The following TRAPPC8 variants were observed in gnomAD, a reference collection of about 807,000 sequenced individuals.
TRAPPC8 encodes general sporulation gene 1 homolog.
A neutral mutation model predicts 174.3 loss-of-function variants in TRAPPC8; 54 were observed. The ratio of observed to expected loss-of-function variants is 0.31; its 90% CI spans 0.25 to 0.39. The LOEUF (loss-of-function observed/expected upper bound fraction) is 0.39. Ranked by LOEUF, TRAPPC8 falls within the 10% of genes least tolerant of loss-of-function variation. The pLI, the probability that TRAPPC8 is intolerant of heterozygous loss-of-function variation, is 1.00. For missense variants in TRAPPC8, 1,531 were observed against 1,699.1 expected (o/e 0.90, Z 1.74); for synonymous variants, 630 against 579.9 (o/e 1.09, Z -1.24).
Position 31,917,537 on chromosome 18 carries a change from A to G in TRAPPC8, c.442+41T>C, listed in dbSNP as rs770018218. ...ACTATTTCTGAGATTAATAACTTCC[A>G]TAATATTTGATTTGAGGAGAACATA... is the stretch of plus-strand genomic sequence containing the variant. On this transcript the variant is annotated intron_variant, in intron 3 of 28. Coordinates refer to ENST00000283351, the MANE Select transcript of TRAPPC8 (RefSeq NM_014939.5). The G allele has an allele frequency of 3.9e-6, 6 of 1,548,030 alleles. No individual in the cohort carries two copies. The East Asian group carries it at 9.0e-5, about 23-fold the overall frequency.
intron 2 of TRAPPC8, among the ~76,000 whole-genome samples, chr18:31,918,563 A>C (rs2037245058): frequency 6.6e-6 from 1 of 152,208 alleles, no homozygotes; most frequent in African/African-American, 2.4e-5. Flanking sequence ...ACAAGACAAG[A>C]CAAGACAAGA....
intron 20 of TRAPPC8, among the ~76,000 whole-genome samples, chr18:31,856,473 ACCT>A (rs2034021475): frequency 6.6e-6 from 1 of 151,550 alleles, no homozygotes; most frequent in Non-Finnish European, 1.5e-5. Context: ...AGTGAGGCCC[ACCT>A]CAGCCTCCCA....
At chr18:31,880,093 ATATATATATATAT>A (rs2035356729) in intron 12 of TRAPPC8, among the ~76,000 whole-genome samples, 1 of 63,336 alleles carries the variant, frequency 1.6e-5, no homozygotes, top group South Asian at 7.2e-4. Context: ...AAAAAAAAAT[ATATATATATATAT>A]ATATATATAT....
Position 31,936,061 on chromosome 18 carries a change from T to A in TRAPPC8, c.158-4538A>T, listed in dbSNP as rs186544219. 6.2e-4 allele frequency among the ~76,000 whole-genome samples: 93 copies of A among 150,410 alleles called. No individual in the cohort carries two copies. In the East Asian group the frequency reaches 0.016, roughly 26 times the overall value. ...ACAAGACCCCATCTCTATAAAAAAA[T>A]TTTTTTTAATTAGCTGGGTGTGATG... is the stretch of plus-strand genomic sequence containing the variant. On this transcript the variant is annotated intron_variant, in intron 1 of 28. Transcript: ENST00000283351.
At chr18:31,885,410 C>T (rs1040904161) in intron 12 of TRAPPC8, among the ~76,000 whole-genome samples, 44 of 152,128 alleles carry the variant, frequency 2.9e-4, no homozygotes, top group Non-Finnish European at 1.6e-4. Flanking sequence ...AAGGATAAAA[C>T]ATCCTATGCC....
rs200537840 is a variant in TRAPPC8 at position 31,856,137 on chromosome 18, C to CT, written c.3189-331dup. On this transcript the variant is annotated intron_variant, in intron 20 of 28. Transcript: ENST00000283351. ...CTTTTTTTTTTGAGACAGAGTCTTGCTTTGTCACCCAGGTGGGAGTGCAGT... is the reference window on the plus strand; with the variant it reads ...CTTTTTTTTTTGAGACAGAGTCTTGCTTTTGTCACCCAGGTGGGAGTGCAGT... Among the ~76,000 whole-genome samples, 938 of 151,728 alleles carry CT rather than the reference C, an allele frequency of 6.2e-3. 11 individuals carry two copies. The highest frequency in any genetic ancestry group is 0.022 in the African/African-American group (897 of 41,342).
At chr18:31,922,059 CTG>C (rs1292378610) in intron 2 of TRAPPC8, among the ~76,000 whole-genome samples, 1 of 151,978 alleles carries the variant, frequency 6.6e-6, no homozygotes. Flanking sequence ...AAAAGAGTAA[CTG>C]TAATTAGATT....
chr18:31,876,489 C>CAAAAAAAAAAAAAAAAAAAAAAAAAAAAA (rs71175801), intron 12 of TRAPPC8, among the ~76,000 whole-genome samples: 7 of 48,718 alleles, frequency 1.4e-4, no homozygotes, highest in Admixed American at 2.5e-4. Flanking sequence ...GACTCCATCT[C>CAAAAAAAAAAAAAAAAAAAAAAAAAAAAA]AAAAAAAAAA....
chr18:31,918,694 G>A (rs1156407114), intron 2 of TRAPPC8, among the ~76,000 whole-genome samples: 1 of 152,094 alleles, frequency 6.6e-6, no homozygotes, highest in Non-Finnish European at 1.5e-5. Flanking sequence ...ATGAAATTTC[G>A]AAGTACATTT....
rs1568071930 is a variant in TRAPPC8, at chr18:31,873,468, G to A, written c.2024C>T (p.Thr675Ile). 6.2e-7 allele frequency: 1 copy of A among 1,613,642 alleles called. No individual in the cohort carries two copies. Among genetic ancestry groups the A allele is most frequent in the Non-Finnish European group, 8.5e-7 (1 of 1,179,764 alleles). The change falls in exon 14 of 29, where the codon ACA becomes ATA. Residue 675 changes from threonine to isoleucine, a missense_variant. By Grantham distance (89) the Thr-to-Ile change is moderately conservative (BLOSUM62 -1). Transcript: ENST00000283351. ...LPLPYINSSA[T>I]RVFFGHDRRP... ...TCTGTCATGGCCAAAAAAAACCCGT[G>A]TTGCTGAACTGTTAATATACGGTAA...
chr18:31,903,259 G>C (rs551777807), intron 9 of TRAPPC8, among the ~76,000 whole-genome samples: 1 of 151,982 alleles, frequency 6.6e-6, no homozygotes, highest in African/African-American at 2.4e-5. Context: ...CAGAGGCTAC[G>C]ACAAGAATGA....
At position 31,864,692 on chromosome 18, in the gene TRAPPC8, A is replaced by C. The variant is rs1460368116; in HGVS notation, c.2680T>G (p.Ser894Ala). Residue 894 changes from serine to alanine, a missense_variant, in exon 19 of 29, where the codon TCT (serine) becomes GCT (alanine). Physicochemically the swap from Ser to Ala is moderately conservative, Grantham distance 99. Transcript: ENST00000283351. ...RLNNTKEEKT[S>A]VKYGPDRRLD... is the part of the protein sequence containing the mutation. ...CGTCGATCAGGGCCATATTTAACAG[A>C]TGTTTTCTCTTCTTTTGTGTTGTTA... The C allele has an allele frequency of 6.2e-7, 1 of 1,613,266 alleles. No homozygotes were observed. Among genetic ancestry groups the C allele is most frequent in the South Asian group, 1.1e-5 (1 of 91,018 alleles).
chr18:31,886,947 C>T (rs2035746171), intron 12 of TRAPPC8, among the ~76,000 whole-genome samples: 2 of 152,178 alleles, frequency 1.3e-5, no homozygotes, highest in Admixed American at 1.3e-4. Context: ...CACCACTGCA[C>T]TCCAGCCTGG....
At chr18:31,924,091 C>A (rs570298170) in intron 2 of TRAPPC8, among the ~76,000 whole-genome samples, 3 of 151,876 alleles carry the variant, frequency 2.0e-5, no homozygotes, top group South Asian at 4.2e-4. Flanking sequence ...TGAGACCAGC[C>A]TGGCCAACGT....
At chr18:31,887,770 C>G (rs1370471134) in intron 12 of TRAPPC8, among the ~76,000 whole-genome samples, 1 of 149,694 alleles carries the variant, frequency 6.7e-6, no homozygotes, top group Non-Finnish European at 1.5e-5. Context: ...TGCCCTCTCT[C>G]ATCACTGCTA....
intron 27 of TRAPPC8, among the ~76,000 whole-genome samples, chr18:31,835,934 G>T (rs1568027475): frequency 1.3e-5 from 2 of 152,064 alleles, no homozygotes. Context: ...AAATATATGT[G>T]GCACAGACGG....
chr18:31,865,419 A>T (rs564128702), intron 18 of TRAPPC8, among the ~76,000 whole-genome samples: 2 of 152,136 alleles, frequency 1.3e-5, no homozygotes, highest in East Asian at 3.9e-4. Flanking sequence ...TAAAGCCTTT[A>T]ATGTGCCGAA....
chr18:31,832,339 T>C, intron 27 of TRAPPC8, 166 bp from the exon 28 acceptor site: 1 of 280,112 alleles, frequency 3.6e-6, no homozygotes. Context: ...ACAAATTATA[T>C]TGTAAATAAA....
At chr18:31,871,360 C>A (rs2034852249) in intron 14 of TRAPPC8, among the ~76,000 whole-genome samples, 1 of 151,948 alleles carries the variant, frequency 6.6e-6, no homozygotes, top group African/African-American at 2.4e-5. Flanking sequence ...TGTCCACAAG[C>A]AATTTTTATA....
Sources: gnomAD v4.1 joint callset for allele counts (sites outside exome capture counted in the v4.1 genomes callset) on GRCh38, gnomAD v4.1.1 for gene constraint, MANE v1.5 for transcripts, NCBI Gene and HGNC (gene_info 2026-07-23, HGNC 2026-07-21) for gene names.